SRRM4: variants seen among roughly 807,000 people sequenced by gnomAD.
SRRM4 encodes the protein serine/arginine repetitive matrix 4, also known as serine/arginine repetitive matrix protein 4.
SRRM4 carries 33 observed loss-of-function variants against 68.9 expected under a neutral mutation model. The ratio of observed to expected loss-of-function variants is 0.48; its 90% CI spans 0.36 to 0.64. SRRM4 has a LOEUF of 0.64. SRRM4 is among the 30% of genes least tolerant of loss of function. The pLI, the probability that SRRM4 is intolerant of heterozygous loss-of-function variation, is 0.00. For synonymous variants in SRRM4, 318 were observed against 318.8 expected, an observed-to-expected ratio of 1.00 and a Z score of 0.03; for missense variants, 817 against 827.1, an observed-to-expected ratio of 0.99 and a Z score of 0.15.
intron 1 of SRRM4, among the ~76,000 whole-genome samples, chr12:118,983,936 C>A (rs550359199): frequency 3.3e-5 from 5 of 152,268 alleles, no homozygotes; most frequent in Non-Finnish European, 7.4e-5. Context: ...ACTCTTGGTG[C>A]CTTTTAATGT....
At chr12:119,120,179 CT>C (rs1954210245) in intron 4 of SRRM4, 70 bp from the exon 5 acceptor site, 1 of 1,075,312 alleles carries the variant, frequency 9.3e-7, no homozygotes, top group Non-Finnish European at 1.4e-6. Flanking sequence ...ATCTCTCTCT[CT>C]CTCCCTCTCT....
At chr12:119,127,497 G>A (rs1382715625) in intron 7 of SRRM4, among the ~76,000 whole-genome samples, 4 of 152,132 alleles carry the variant, frequency 2.6e-5, no homozygotes, top group East Asian at 1.9e-4. Flanking sequence ...GGGGGCCGAG[G>A]TGGGCAGATC....
At chr12:119,114,156 G>A in intron 2 of SRRM4, 122 bp from the exon 3 acceptor site, 1 of 694,646 alleles carries the variant, frequency 1.4e-6, no homozygotes, top group Non-Finnish European at 2.5e-6. Flanking sequence ...AGGTGGTAAT[G>A]AGGCACTGGC....
At chr12:119,127,464 G>C (rs978239470) in intron 7 of SRRM4, among the ~76,000 whole-genome samples, 1 of 151,984 alleles carries the variant, frequency 6.6e-6, no homozygotes, top group Admixed American at 6.6e-5. Context: ...ACAATGTCTC[G>C]CGCCTGTAAT....
At position 119,156,611 on chromosome 12, in the gene SRRM4, CCCGGAG is replaced by C. The variant is rs774714177; in HGVS notation, c.1656_1661del (p.Ser558_Arg559del). Reference sequence around the variant, plus strand: ...AGCCGCTCGGCCAGCCGCAGCTACTCCCGGAGCCGGAGTCGGAGCCGGAGCCGGAGA... The same window carrying C: ...AGCCGCTCGGCCAGCCGCAGCTACTCCCGGAGTCGGAGCCGGAGCCGGAGA... On this transcript the variant is annotated inframe_deletion, in exon 13 of 13. Transcript: ENST00000267260. The C allele has an allele frequency of 1.9e-6, 3 of 1,610,154 alleles. No homozygotes were observed. The African/African-American group carries it at 4.0e-5, about 22-fold the overall frequency.
At position 119,156,962 on chromosome 12, in the gene SRRM4, T is replaced by C; in HGVS notation, c.*164T>C. The C allele has an allele frequency of 2.4e-6, 2 of 833,684 alleles. No homozygotes were observed. Among genetic ancestry groups the C allele is most frequent in the Non-Finnish European group, 3.6e-6 (2 of 555,394 alleles). 51.6% of individuals were successfully genotyped at this position (833,684 alleles called of 1,614,324 possible). On this transcript the variant is annotated 3_prime_UTR_variant, in exon 13 of 13. Transcript: ENST00000267260. ...AAGAGGGTAAGGGGGCTTCACTCTC[T>C]AGATCAGCCTGCTAGGAGCCTCTAC... is the stretch of plus-strand genomic sequence containing the variant.
In SRRM4 at chr12:119,092,011, G is replaced by A. The variant is rs139455580; in HGVS notation, c.132-10225G>A. Among the ~76,000 whole-genome samples the A allele has an allele frequency of 4.6e-5, 7 of 152,284 alleles. No individual in the cohort carries two copies. The East Asian group carries it at 1.4e-3, about 29-fold the overall frequency. ...ATGAATGAGTGAATGAATAGCTGAG[G>A]AATGACTGGATGAATAAACGCACAA... is the stretch of plus-strand genomic sequence containing the variant. On this transcript the variant is annotated intron_variant, in intron 1 of 12. Coordinates refer to ENST00000267260, the MANE Select transcript of SRRM4 (RefSeq NM_194286.4).
rs1007285446 is a variant in SRRM4, at chr12:119,159,890, A to T, written c.*3092A>T. 4.6e-5 allele frequency: 7 copies of T among 152,034 alleles called. No individual in the cohort carries two copies. Among genetic ancestry groups the T allele is most frequent in the African/African-American group, 1.7e-4 (7 of 41,400 alleles). 9.4% of individuals were successfully genotyped at this position (152,034 alleles called of 1,614,324 possible). ...GCTATTTCTGAAATTAGGAAAAAAA[A>T]AAAAAAGGTGGAAGGAGCAGCCAGA... On this transcript the variant is annotated 3_prime_UTR_variant, in exon 13 of 13. Transcript: ENST00000267260.
intron 1 of SRRM4, among the ~76,000 whole-genome samples, chr12:119,010,300 G>A (rs1376199334): frequency 1.3e-5 from 2 of 152,160 alleles, no homozygotes; most frequent in African/African-American, 2.4e-5. Flanking sequence ...TAATCCGCCC[G>A]CCTCAGCCTC....
chr12:119,117,018 T>C lies in SRRM4; in HGVS notation c.437+10T>C, dbSNP rs369016981. The stretch of plus-strand genomic sequence containing the variant: ...AACACAAGCGACGCAGGTATTGTCC[T>C]TTTTCTCTGCAAACAAGACCTCCCC... On this transcript the variant is annotated intron_variant, in intron 4 of 12. Transcript: ENST00000267260. 51 of 1,612,368 alleles carry C rather than the reference T, an allele frequency of 3.2e-5. No individual in the cohort carries two copies. Among genetic ancestry groups the C allele is most frequent in the Non-Finnish European group, 4.3e-5 (51 of 1,178,946 alleles).
intron 1 of SRRM4, among the ~76,000 whole-genome samples, chr12:119,032,554 A>T (rs372395735): frequency 3.3e-5 from 5 of 152,238 alleles, no homozygotes; most frequent in South Asian, 4.1e-4. Flanking sequence ...TCTCTTTAAA[A>T]ACTTCTGTTT....
chr12:119,120,694 C>G lies in SRRM4; in HGVS notation c.464+418C>G, dbSNP rs565911706. 6.6e-5 allele frequency among the ~76,000 whole-genome samples: 10 copies of G among 152,342 alleles called. No homozygotes were observed. The Middle Eastern group carries it at 0.017, about 259-fold the overall frequency. ...ATAGTTATTACTTACAGGGTCCTGA[C>G]TCCAAACTGGATCCTGAGCTAAGTC... On this transcript the variant is annotated intron_variant, in intron 5 of 12. Transcript: ENST00000267260.
At chr12:119,033,224 C>A (rs1430418997) in intron 1 of SRRM4, among the ~76,000 whole-genome samples, 4 of 152,152 alleles carry the variant, frequency 2.6e-5, no homozygotes, top group African/African-American at 7.2e-5. Context: ...CTTACAGATC[C>A]ATGAGCAATA....
Position 119,045,806 on chromosome 12 carries a change from G to A in SRRM4, c.132-56430G>A, listed in dbSNP as rs374451381. On this transcript the variant is annotated intron_variant, in intron 1 of 12. Transcript: ENST00000267260. The stretch of plus-strand genomic sequence containing the variant: ...TAATCCCAGCACTTTGGGAGGCCAA[G>A]GTGGGCGGATCACCTGAGGTCAGGA... Among the ~76,000 whole-genome samples, 5 of 152,208 alleles carry A rather than the reference G, an allele frequency of 3.3e-5. No individual in the cohort carries two copies. In the East Asian group the frequency reaches 5.8e-4, roughly 18 times the overall value.
chr12:119,107,356 C>T (rs1337618284), intron 2 of SRRM4, among the ~76,000 whole-genome samples: 1 of 152,164 alleles, frequency 6.6e-6, no homozygotes. Flanking sequence ...GGAGGATTCC[C>T]TCTTTTTCTA....
chr12:119,092,283 C>G (rs1043897334), intron 1 of SRRM4, among the ~76,000 whole-genome samples: 1 of 152,144 alleles, frequency 6.6e-6, no homozygotes, highest in Non-Finnish European at 1.5e-5. Context: ...AAACACTGTC[C>G]AAATGCTATC....
At chr12:118,989,415 A>G (rs944557281) in intron 1 of SRRM4, among the ~76,000 whole-genome samples, 3 of 152,130 alleles carry the variant, frequency 2.0e-5, no homozygotes, top group Non-Finnish European at 2.9e-5. Flanking sequence ...GGTCTCTCAT[A>G]TTCATGCATG....
chr12:118,982,387 A>G lies in SRRM4; in HGVS notation c.131+374A>G, dbSNP rs184652485. ...ATTTGAGATGTTTGGGGGGTGTTGT[A>G]CCAGAAAAGGAGAACTGAGCCAGCT... is the stretch of plus-strand genomic sequence containing the variant. On this transcript the variant is annotated intron_variant, in intron 1 of 12. Coordinates refer to ENST00000267260, the MANE Select transcript of SRRM4 (RefSeq NM_194286.4). Among the ~76,000 whole-genome samples the G allele has an allele frequency of 1.2e-3, 184 of 152,284 alleles. 2 individuals are homozygous for G. The highest frequency in any genetic ancestry group is 4.3e-3 in the African/African-American group (178 of 41,560).
chr12:119,125,805 C>CAGCTA (rs1954255332), intron 7 of SRRM4, among the ~76,000 whole-genome samples: 1 of 151,710 alleles, frequency 6.6e-6, no homozygotes, highest in Non-Finnish European at 1.5e-5. Context: ...CCTTTAATTC[C>CAGCTA]AGCTACTCTG....
Sources: gnomAD v4.1 joint callset for allele counts (sites outside exome capture counted in the v4.1 genomes callset) on GRCh38, gnomAD v4.1.1 for gene constraint, MANE v1.5 for transcripts, NCBI Gene and HGNC (gene_info 2026-07-23, HGNC 2026-07-21) for gene names.